The following RORA variants were observed in gnomAD, a reference collection of about 807,000 sequenced individuals.
The protein encoded by RORA is nuclear receptor ROR-alpha.
In RORA, 7 loss-of-function variants were observed where a neutral mutation model predicts 69.5. The ratio of observed to expected loss-of-function variants is 0.10; its 90% confidence interval spans 0.06 to 0.19. RORA has a LOEUF of 0.19. Among genes scored for constraint, RORA ranks in the 10% least tolerant of loss-of-function variants. The pLI is 1.00. For synonymous variants in RORA, 261 were observed against 240.8 expected, an observed-to-expected ratio of 1.08 and a Z score of -0.78; for missense variants, 457 against 663.0, an observed-to-expected ratio of 0.69 and a Z score of 3.41.
intron 1 of RORA, among the ~76,000 whole-genome samples, chr15:60,772,260 C>CA (rs917562834): frequency 3.3e-5 from 5 of 151,950 alleles, no homozygotes; most frequent in Non-Finnish European, 7.4e-5. Context: ...GCTTTGTGTC[C>CA]AAGTGTTCTC....
At chr15:61,017,736 C>A (rs947740303) in intron 1 of RORA, among the ~76,000 whole-genome samples, 2 of 152,180 alleles carry the variant, frequency 1.3e-5, no homozygotes, top group African/African-American at 4.8e-5. Context: ...CTGTCTTGTG[C>A]TTTCCATTTT....
At position 60,834,817 on chromosome 15, in the gene RORA, C is replaced by A. The variant is rs2073094575; in HGVS notation, c.167-156131G>T. ...CAATGCTGAGACCTAGGCCCAATGCCTCGAGTTTTCCTTGCTTGTTCCCCT... is the reference window on the plus strand; with the variant it reads ...CAATGCTGAGACCTAGGCCCAATGCATCGAGTTTTCCTTGCTTGTTCCCCT... On this transcript the variant is annotated intron_variant, in intron 1 of 10. Transcript: ENST00000335670. Among the ~76,000 whole-genome samples the A allele has an allele frequency of 3.3e-5, 5 of 152,130 alleles. No homozygotes were observed. In the South Asian group the frequency reaches 1.0e-3, roughly 32 times the overall value.
At chr15:61,170,086 C>T (rs746069492) in intron 1 of RORA, among the ~76,000 whole-genome samples, 1 of 152,156 alleles carries the variant, frequency 6.6e-6, no homozygotes, top group East Asian at 1.9e-4. Context: ...CCTTGCTGAT[C>T]CCCAGTTTCC....
At chr15:60,820,189 G>C (rs1337330046) in intron 1 of RORA, among the ~76,000 whole-genome samples, 1 of 152,252 alleles carries the variant, frequency 6.6e-6, no homozygotes, top group African/African-American at 2.4e-5. Flanking sequence ...CATCACGTGA[G>C]GGTGGTTCAG....
chr15:60,698,091 T>C (rs2070930831), intron 1 of RORA, among the ~76,000 whole-genome samples: 1 of 152,246 alleles, frequency 6.6e-6, no homozygotes, highest in Admixed American at 6.5e-5. Context: ...CTGTATTTTA[T>C]TGTAGACATT....
intron 1 of RORA, among the ~76,000 whole-genome samples, chr15:60,805,956 G>A (rs562464771): frequency 7.9e-5 from 12 of 152,292 alleles, no homozygotes; most frequent in African/African-American, 1.9e-4. Context: ...GAGCCTCTTC[G>A]GAGGACCAAT....
At chr15:60,986,681 G>A (rs907545566) in intron 1 of RORA, among the ~76,000 whole-genome samples, 10 of 152,194 alleles carry the variant, frequency 6.6e-5, no homozygotes, top group Non-Finnish European at 1.2e-4. Context: ...GAAAGGCTCT[G>A]AAAGTGCTTA....
At chr15:60,825,639 C>A (rs60973045) in intron 1 of RORA, among the ~76,000 whole-genome samples, 1 of 152,298 alleles carries the variant, frequency 6.6e-6, no homozygotes, top group East Asian at 1.9e-4. Context: ...TGCTGTGATG[C>A]CACCTTCCCC....
chr15:60,718,340 G>C (rs576983508), intron 1 of RORA, among the ~76,000 whole-genome samples: 4 of 152,266 alleles, frequency 2.6e-5, no homozygotes, highest in Admixed American at 6.5e-5. Flanking sequence ...ACATTCTAAA[G>C]GTGGTTTTCT....
At chr15:60,515,912 TATTTATATATATATTTATATATA>T (rs1567050545) in intron 3 of RORA, among the ~76,000 whole-genome samples, 2 of 83,550 alleles carry the variant, frequency 2.4e-5, no homozygotes, top group Non-Finnish European at 4.0e-5. Flanking sequence ...ATATATATTG[TATTTATATATATATTTATATATA>T]TATTTATATA....
chr15:60,711,970 C>T (rs1399567505), intron 1 of RORA, among the ~76,000 whole-genome samples: 1 of 151,670 alleles, frequency 6.6e-6, no homozygotes, highest in African/African-American at 2.4e-5. Flanking sequence ...TTTTCTGCAA[C>T]AGTATAATAA....
chr15:60,715,535 C>T (rs2071208916), intron 1 of RORA, among the ~76,000 whole-genome samples: 1 of 152,140 alleles, frequency 6.6e-6, no homozygotes, highest in African/African-American at 2.4e-5. Context: ...CTATGAAAAC[C>T]ACAACTTCAT....
intron 2 of RORA, among the ~76,000 whole-genome samples, chr15:60,645,029 G>A (rs573488341): frequency 1.3e-5 from 2 of 152,194 alleles, no homozygotes; most frequent in Admixed American, 6.5e-5. Flanking sequence ...TCCCTTTATT[G>A]CCAGGAAGTA....
At chr15:60,709,385 C>T (rs145056531) in intron 1 of RORA, among the ~76,000 whole-genome samples, 1 of 152,158 alleles carries the variant, frequency 6.6e-6, no homozygotes. Context: ...TATGAAGTAA[C>T]AGACTGAGGA....
chr15:60,958,742 A>C (rs1893338027), intron 1 of RORA, among the ~76,000 whole-genome samples: 1 of 152,240 alleles, frequency 6.6e-6, no homozygotes, highest in African/African-American at 2.4e-5. Context: ...GCTGTCATTA[A>C]GAAAATCTAC....
chr15:60,788,074 T>C (rs1242778922), intron 1 of RORA, among the ~76,000 whole-genome samples: 1 of 152,210 alleles, frequency 6.6e-6, no homozygotes, highest in Non-Finnish European at 1.5e-5. Flanking sequence ...AAAGTATCTA[T>C]CTGGGGAGCT....
chr15:60,501,515 A>C lies in RORA; in HGVS notation c.1184-446T>G, dbSNP rs533454487. On this transcript the variant is annotated intron_variant, in intron 8 of 10. Transcript: ENST00000335670. ...AGAGGAAAGTAATGCACCTAAGGTCACACAGGTAGAAAGTACAGCCTAAGA... is the reference window on the plus strand; with the variant it reads ...AGAGGAAAGTAATGCACCTAAGGTCCCACAGGTAGAAAGTACAGCCTAAGA... 7.9e-5 allele frequency among the ~76,000 whole-genome samples: 12 copies of C among 152,340 alleles called. No homozygotes were observed. In the East Asian group the frequency reaches 2.1e-3, roughly 27 times the overall value.
At chr15:61,102,207 AG>A (rs2078890080) in intron 1 of RORA, among the ~76,000 whole-genome samples, 1 of 152,152 alleles carries the variant, frequency 6.6e-6, no homozygotes, top group African/African-American at 2.4e-5. Flanking sequence ...AGTTGTCAGC[AG>A]GGTGCAGACA....
chr15:61,120,797 A>T (rs2079096073), intron 1 of RORA, among the ~76,000 whole-genome samples: 1 of 151,788 alleles, frequency 6.6e-6, no homozygotes, highest in East Asian at 1.9e-4. Context: ...CGGAGAAATT[A>T]ACAAAAACAA....
Sources: allele counts gnomAD v4.1 joint callset (sites outside exome capture counted in the v4.1 genomes callset), GRCh38; gene constraint gnomAD v4.1.1; transcripts MANE v1.5; gene names NCBI Gene and HGNC (gene_info 2026-07-23, HGNC 2026-07-21).